MAN1A1: variants seen among roughly 807,000 people sequenced by gnomAD.
The protein encoded by MAN1A1 is mannosyl-oligosaccharide 1,2-alpha-mannosidase IA.
In MAN1A1, 29 loss-of-function variants were observed where a neutral mutation model predicts 70.8. That is an observed-to-expected ratio of 0.41 (90% CI 0.31 to 0.56). MAN1A1 has a LOEUF of 0.56. MAN1A1 is among the 20% of genes least tolerant of loss of function. MAN1A1 has a pLI of 0.29. For synonymous variants in MAN1A1, 349 were observed against 330.1 expected (o/e 1.06, Z -0.62); for missense variants, 747 against 841.3 (o/e 0.89, Z 1.39).
At chr6:119,289,578 T>C (rs950710894) in intron 5 of MAN1A1, among the ~76,000 whole-genome samples, 6 of 151,890 alleles carry the variant, frequency 4.0e-5, no homozygotes, top group African/African-American at 1.2e-4. Flanking sequence ...CACATTACCC[T>C]GGCTGAGAAG....
intron 6 of MAN1A1, among the ~76,000 whole-genome samples, chr6:119,215,870 A>G (rs1242114064): frequency 4.6e-5 from 7 of 152,200 alleles, no homozygotes; most frequent in Non-Finnish European, 8.8e-5. Context: ...AAAATAAAAC[A>G]GGTTGATGTG....
chr6:119,289,133 A>G (rs999191286), intron 5 of MAN1A1, among the ~76,000 whole-genome samples: 3 of 151,858 alleles, frequency 2.0e-5, no homozygotes, highest in African/African-American at 7.2e-5. Context: ...TAAACTTAAA[A>G]CACTGAGTGA....
intron 7 of MAN1A1, among the ~76,000 whole-genome samples, chr6:119,202,471 TA>T (rs951690476): frequency 6.3e-4 from 95 of 150,864 alleles, no homozygotes; most frequent in African/African-American, 2.2e-3. Flanking sequence ...AGAGCTAACT[TA>T]AAAAAAAAGT....
intron 5 of MAN1A1, among the ~76,000 whole-genome samples, chr6:119,288,559 G>A (rs1776445103): frequency 6.6e-6 from 1 of 151,862 alleles, no homozygotes; most frequent in Non-Finnish European, 1.5e-5. Flanking sequence ...TCCCCTGAAT[G>A]CATTCATCAA....
At chr6:119,206,610 G>C (rs567711905) in intron 6 of MAN1A1, among the ~76,000 whole-genome samples, 12 of 152,288 alleles carry the variant, frequency 7.9e-5, no homozygotes, top group Non-Finnish European at 1.2e-4. Context: ...ATTAGGCTCT[G>C]GGAATGTGAG....
rs529865729 is a variant in MAN1A1 at position 119,348,426 on chromosome 6, G to T, written c.603+37C>A. 3.3e-6 allele frequency: 5 copies of T among 1,510,184 alleles called. No individual in the cohort carries two copies. In the South Asian group the frequency reaches 4.9e-5, roughly 15 times the overall value. 93.5% of individuals were successfully genotyped at this position (1,510,184 alleles called of 1,614,324 possible). A position where few individuals can be genotyped will look rare whatever the true frequency, so the allele number is the denominator to read the frequency against. On this transcript the variant is annotated intron_variant, in intron 2 of 12. Transcript: ENST00000368468. Reference sequence around the variant, plus strand: ...CTTGCCGTTTCTCCCTGAAAAACACGGCCGGTCGGGAGGGATTTCTGGCGC... The same window carrying T: ...CTTGCCGTTTCTCCCTGAAAAACACTGCCGGTCGGGAGGGATTTCTGGCGC...
At chr6:119,333,629 A>AT (rs1582812802) in intron 2 of MAN1A1, among the ~76,000 whole-genome samples, 1 of 152,246 alleles carries the variant, frequency 6.6e-6, no homozygotes, top group Non-Finnish European at 1.5e-5. Context: ...TACCTGCAGC[A>AT]TATCTGGCTA....
At chr6:119,337,004 G>T (rs750117539) in intron 2 of MAN1A1, among the ~76,000 whole-genome samples, 2 of 151,832 alleles carry the variant, frequency 1.3e-5, no homozygotes, top group Non-Finnish European at 2.9e-5. Flanking sequence ...TAAAATAACA[G>T]AATCTTTATA....
At chr6:119,227,138 A>C (rs1774537870) in intron 6 of MAN1A1, among the ~76,000 whole-genome samples, 1 of 152,222 alleles carries the variant, frequency 6.6e-6, no homozygotes, top group African/African-American at 2.4e-5. Flanking sequence ...AATGAACCGC[A>C]AACACCATGC....
At chr6:119,262,368 A>C (rs1344191977) in intron 5 of MAN1A1, among the ~76,000 whole-genome samples, 1 of 152,172 alleles carries the variant, frequency 6.6e-6, no homozygotes, top group East Asian at 1.9e-4. Flanking sequence ...ACAAATAAAC[A>C]ATTCTGGTAA....
intron 11 of MAN1A1, 28 bp downstream of exon 11, chr6:119,188,377 A>G (rs369856315): frequency 2.1e-5 from 33 of 1,561,372 alleles, no homozygotes; most frequent in Non-Finnish European, 2.5e-5. Flanking sequence ...AAATTTATCT[A>G]TAAGAAACAT....
intron 6 of MAN1A1, among the ~76,000 whole-genome samples, chr6:119,208,708 T>C (rs968069431): frequency 1.3e-5 from 2 of 152,186 alleles, no homozygotes; most frequent in East Asian, 3.8e-4. Context: ...AGATGCTAAC[T>C]CTTTTCCTAG....
intron 5 of MAN1A1, among the ~76,000 whole-genome samples, chr6:119,276,384 G>C (rs1465972911): frequency 1.3e-5 from 2 of 152,212 alleles, no homozygotes; most frequent in African/African-American, 4.8e-5. Flanking sequence ...GAATCCTCCA[G>C]AGACTAGAAC....
intron 2 of MAN1A1, among the ~76,000 whole-genome samples, chr6:119,345,197 GGGC>G (rs200726896): frequency 4.5e-4 from 56 of 123,370 alleles, no homozygotes; most frequent in Admixed American, 2.2e-3. Flanking sequence ...GTTGAGGGGG[GGGC>G]GGAGCGGGGG....
intron 7 of MAN1A1, among the ~76,000 whole-genome samples, chr6:119,204,415 C>T (rs550074512): frequency 3.8e-4 from 58 of 152,292 alleles, no homozygotes; most frequent in African/African-American, 1.2e-3. Flanking sequence ...CACATTTGTA[C>T]GACACTTTCA....
At chr6:119,330,799 C>T (rs1773289514) in intron 2 of MAN1A1, among the ~76,000 whole-genome samples, 1 of 152,168 alleles carries the variant, frequency 6.6e-6, no homozygotes, top group Admixed American at 6.5e-5. Context: ...CCGGCTAATT[C>T]CCACTCATCC....
intron 2 of MAN1A1, among the ~76,000 whole-genome samples, chr6:119,347,320 G>A (rs1479852997): frequency 6.6e-6 from 1 of 151,828 alleles, no homozygotes; most frequent in Admixed American, 6.6e-5. Context: ...TCTGAAAATG[G>A]GATCAGGGAC....
At chr6:119,319,387 A>ATCATCATCATCATC (rs1562240878) in intron 2 of MAN1A1, among the ~76,000 whole-genome samples, 8 of 140,872 alleles carry the variant, frequency 5.7e-5, no homozygotes, top group African/African-American at 2.0e-4. Context: ...TAATAATAAT[A>ATCATCATCATCATC]ATAATCATCA....
At chr6:119,319,379 A>ATAC (rs1459124428) in intron 2 of MAN1A1, among the ~76,000 whole-genome samples, 1 of 149,312 alleles carries the variant, frequency 6.7e-6, no homozygotes, top group African/African-American at 2.5e-5. Context: ...AATAATAATA[A>ATAC]TAATAATAAT....
Sources: allele counts gnomAD v4.1 joint callset (sites outside exome capture counted in the v4.1 genomes callset), GRCh38; gene constraint gnomAD v4.1.1; transcripts MANE v1.5; gene names NCBI Gene and HGNC (gene_info 2026-07-23, HGNC 2026-07-21).